Variants in ADGRL3 observed in about 807,000 individuals in gnomAD.
The protein encoded by ADGRL3 is calcium-independent alpha-latrotoxin receptor 3.
A neutral mutation model predicts 153.5 loss-of-function variants in ADGRL3; 62 were observed. The ratio of observed to expected loss-of-function variants is 0.40; its 90% confidence interval spans 0.33 to 0.50. ADGRL3 has a LOEUF of 0.50. ADGRL3 is among the 20% of genes least tolerant of loss of function. The pLI is 0.47. For missense variants in ADGRL3, 1,641 were observed against 1,859.4 expected (o/e 0.88, Z 2.16); for synonymous variants, 710 against 672.5 (o/e 1.06, Z -0.86).
intron 19 of ADGRL3, among the ~76,000 whole-genome samples, chr4:61,995,503 A>T (rs11131352): frequency 0.23 from 34,370 of 152,008 alleles, 4,023 homozygotes; most frequent in East Asian, 0.36. Flanking sequence ...CAATTATGGC[A>T]AAATGGCAAA....
intron 6 of ADGRL3, among the ~76,000 whole-genome samples, chr4:61,708,588 A>C (rs1474766641): frequency 6.6e-6 from 1 of 151,490 alleles, no homozygotes; most frequent in African/African-American, 2.4e-5. Context: ...CATTTGCAGG[A>C]TGTGTAGGTT....
intron 4 of ADGRL3, among the ~76,000 whole-genome samples, chr4:61,562,149 G>A (rs1460122670): frequency 6.6e-6 from 1 of 152,050 alleles, no homozygotes; most frequent in Non-Finnish European, 1.5e-5. Context: ...TAGCCTATTA[G>A]GTGTGCAGTA....
At chr4:61,670,601 A>G (rs1469168419) in intron 5 of ADGRL3, among the ~76,000 whole-genome samples, 2 of 152,062 alleles carry the variant, frequency 1.3e-5, no homozygotes, top group Admixed American at 6.6e-5. Flanking sequence ...AACACCAGAG[A>G]GTGAGTAAGG....
chr4:61,277,963 A>G (rs1157658712), intron 1 of ADGRL3, among the ~76,000 whole-genome samples: 2 of 152,218 alleles, frequency 1.3e-5, no homozygotes, highest in Non-Finnish European at 2.9e-5. Context: ...AAGCCAGCCA[A>G]GATTTTATAC....
rs193143107 is a variant in ADGRL3 at position 62,001,496 on chromosome 4, C to T, written c.3395+3231C>T. ...AGGAAGGTATCTCCAGAAAATATTC[C>T]TTAATCTTTTCCAGAATCTGAAGAA... is the stretch of plus-strand genomic sequence containing the variant. On this transcript the variant is annotated intron_variant, in intron 21 of 26. Transcript: ENST00000683033. Among the ~76,000 whole-genome samples the T allele has an allele frequency of 1.2e-3, 190 of 152,164 alleles. 1 individual carries two copies. The highest frequency in any genetic ancestry group is 4.5e-3 in the African/African-American group (186 of 41,530).
chr4:62,033,367 G>T lies in ADGRL3; in HGVS notation c.3591+1757G>T, dbSNP rs529384233. Among the ~76,000 whole-genome samples, 13 of 151,864 alleles carry T rather than the reference G, an allele frequency of 8.6e-5. No individual in the cohort carries two copies. In the South Asian group the frequency reaches 2.7e-3, roughly 32 times the overall value. On this transcript the variant is annotated intron_variant, in intron 23 of 26. Transcript: ENST00000683033. The stretch of plus-strand genomic sequence containing the variant: ...GTCAGAAAGAGAAGAAATTGGATAT[G>T]GTGAAGAGATGGCAGTCTGCCACAC...
chr4:61,828,710 C>G (rs912774872), intron 9 of ADGRL3, among the ~76,000 whole-genome samples: 6 of 152,106 alleles, frequency 3.9e-5, no homozygotes, highest in African/African-American at 1.4e-4. Flanking sequence ...GAAATGTGTA[C>G]TTTGAAAACA....
At chr4:61,257,250 C>T (rs1048020988) in intron 1 of ADGRL3, among the ~76,000 whole-genome samples, 57 of 152,146 alleles carry the variant, frequency 3.7e-4, no homozygotes, top group Non-Finnish European at 5.6e-4. Flanking sequence ...AATAATATCA[C>T]TGTAGTCTGT....
intron 11 of ADGRL3, among the ~76,000 whole-genome samples, chr4:61,896,293 T>G (rs1043252274): frequency 6.6e-6 from 1 of 152,294 alleles, no homozygotes; most frequent in Non-Finnish European, 1.5e-5. Flanking sequence ...GACTCAAATT[T>G]TCAGGGCTTA....
At chr4:61,325,891 G>T (rs2095454142) in intron 1 of ADGRL3, among the ~76,000 whole-genome samples, 1 of 152,132 alleles carries the variant, frequency 6.6e-6, no homozygotes. Context: ...AGAGAATTGT[G>T]TCCCTCTGAG....
intron 2 of ADGRL3, among the ~76,000 whole-genome samples, chr4:61,444,864 G>A (rs2097564906): frequency 6.6e-6 from 1 of 151,954 alleles, no homozygotes; most frequent in East Asian, 1.9e-4. Context: ...ACCAGCCTGG[G>A]CAACATGGCG....
rs970087858 is a variant in ADGRL3 at position 62,075,368 on chromosome 4, G to A, written c.*4460G>A. ...ACTTGGCCTGTGATGTATTGCAGAGGGAAAAAAACCAACACTACAGAAGTA... is the reference window on the plus strand; with the variant it reads ...ACTTGGCCTGTGATGTATTGCAGAGAGAAAAAAACCAACACTACAGAAGTA... On this transcript the variant is annotated 3_prime_UTR_variant, in exon 27 of 27. Coordinates refer to ENST00000683033, the MANE Select transcript of ADGRL3 (RefSeq NM_001387552.1). 1 of 151,634 alleles carries A rather than the reference G, an allele frequency of 6.6e-6. No individual in the cohort carries two copies. Among genetic ancestry groups the A allele is most frequent in the Non-Finnish European group, 1.5e-5 (1 of 67,944 alleles). The allele number at this position is 151,634 out of a possible 1,614,324, so 9.4% of individuals were successfully genotyped here.
intron 5 of ADGRL3, among the ~76,000 whole-genome samples, chr4:61,622,651 TGGTG>T (rs2092595945): frequency 1.3e-5 from 2 of 152,192 alleles, no homozygotes; most frequent in African/African-American, 4.8e-5. Context: ...CTAGGCATTC[TGGTG>T]TGCACTTTAT....
At chr4:61,257,393 A>G (rs577518013) in intron 1 of ADGRL3, among the ~76,000 whole-genome samples, 5 of 152,322 alleles carry the variant, frequency 3.3e-5, no homozygotes, top group African/African-American at 9.6e-5. Context: ...GCTTTAACAT[A>G]ATATTTATTT....
intron 21 of ADGRL3, among the ~76,000 whole-genome samples, chr4:62,004,507 G>C (rs1190079418): frequency 1.3e-5 from 2 of 151,794 alleles, no homozygotes; most frequent in Admixed American, 1.3e-4. Flanking sequence ...TAAGAAGGAG[G>C]CTCAAAATTG....
intron 8 of ADGRL3, among the ~76,000 whole-genome samples, chr4:61,799,595 G>C (rs1002794776): frequency 6.6e-6 from 1 of 152,046 alleles, no homozygotes; most frequent in Non-Finnish European, 1.5e-5. Context: ...AGATAGGGAT[G>C]CAGAACCCCC....
chr4:61,685,739 T>C (rs1344618294), intron 6 of ADGRL3, among the ~76,000 whole-genome samples: 1 of 152,122 alleles, frequency 6.6e-6, no homozygotes, highest in Non-Finnish European at 1.5e-5. Context: ...ATAATGAAAA[T>C]CAGTTTTTTT....
At chr4:61,601,808 T>G (rs920255360) in intron 5 of ADGRL3, among the ~76,000 whole-genome samples, 4 of 152,168 alleles carry the variant, frequency 2.6e-5, no homozygotes, top group African/African-American at 7.2e-5. Context: ...AAAAATAAAT[T>G]TATATCTTCC....
chr4:61,394,147 A>G (rs1341375748), intron 2 of ADGRL3, among the ~76,000 whole-genome samples: 3 of 152,106 alleles, frequency 2.0e-5, no homozygotes, highest in Non-Finnish European at 4.4e-5. Flanking sequence ...AGAATAATGA[A>G]TAATCTCTTT....
Sources: allele counts gnomAD v4.1 joint callset (sites outside exome capture counted in the v4.1 genomes callset), GRCh38; gene constraint gnomAD v4.1.1; transcripts MANE v1.5; gene names NCBI Gene and HGNC (gene_info 2026-07-23, HGNC 2026-07-21).